The following ACLY variants were observed in gnomAD, a reference collection of about 807,000 sequenced individuals.
ACLY encodes the protein ATP-citrate synthase.
In ACLY, 41 loss-of-function variants were observed where a neutral mutation model predicts 133.0. That is an observed-to-expected ratio of 0.31 (90% CI 0.24 to 0.40). The LOEUF (loss-of-function observed/expected upper bound fraction) is 0.40. ACLY is among the 10% of genes least tolerant of loss of function. The pLI, the probability that ACLY is intolerant of heterozygous loss-of-function variation, is 1.00. For missense variants in ACLY, 1,046 were observed against 1,453.8 expected (o/e 0.72, Z 4.56); for synonymous variants, 495 against 549.3 (o/e 0.90, Z 1.38).
At position 41,930,396 on chromosome 17, in the gene ACLY, C is replaced by A. The variant is rs200743874; in HGVS notation, c.-66G>T. 5 of 273,796 alleles carry A rather than the reference C, an allele frequency of 1.8e-5. No individual in the cohort carries two copies. In the East Asian group the frequency reaches 4.5e-4, roughly 25 times the overall value. The allele number at this position is 273,796 out of a possible 1,614,324, so 17.0% of individuals were successfully genotyped here. A position where few individuals can be genotyped will look rare whatever the true frequency, so the allele number is the denominator to read the frequency against. On this transcript the variant is annotated 5_prime_UTR_variant, in exon 1 of 4. Coordinates refer to the ACLY transcript ENST00000592970. ...TCCCTATTCGGAACTTTGCCTCCAACCCTCTTCCTGTTTTCTTGGCTGTCT... is the reference window on the plus strand; with the variant it reads ...TCCCTATTCGGAACTTTGCCTCCAAACCTCTTCCTGTTTTCTTGGCTGTCT...
chr17:41,875,872 G>A (rs1217854917), intron 22 of ACLY, among the ~76,000 whole-genome samples: 24 of 152,082 alleles, frequency 1.6e-4, no homozygotes, highest in African/African-American at 5.8e-4. Context: ...ACCCCGTCTG[G>A]GAAGTGAGGA....
intron 18 of ACLY, among the ~76,000 whole-genome samples, chr17:41,885,895 T>C (rs576586973): frequency 2.0e-5 from 3 of 152,338 alleles, no homozygotes; most frequent in African/African-American, 7.2e-5. Context: ...CAAAGCCCAG[T>C]CGCCCCTCCT....
chr17:41,872,189 T>G lies in ACLY; in HGVS notation c.2643-7A>C. The G allele has an allele frequency of 1.2e-6, 2 of 1,611,638 alleles. No individual in the cohort carries two copies. Among genetic ancestry groups the G allele is most frequent in the Non-Finnish European group, 1.7e-6 (2 of 1,179,352 alleles). ...GCAAGAGTACTTAGGCAACCTGGAGTGGGGGGAACAAAGGCCAGGAGATGG... is the reference window on the plus strand; with the variant it reads ...GCAAGAGTACTTAGGCAACCTGGAGGGGGGGGAACAAAGGCCAGGAGATGG... On this transcript the variant is annotated splice_polypyrimidine_tract_variant and splice_region_variant and intron_variant, in intron 23 of 28. Transcript: ENST00000352035.
Position 41,905,377 on chromosome 17 carries a change from TGAG to T in ACLY, c.1003+142_1003+144del, listed in dbSNP as rs2049682994. 7 of 1,119,636 alleles carry T rather than the reference TGAG, an allele frequency of 6.3e-6. No individual in the cohort carries two copies. In the African/African-American group the frequency reaches 1.1e-4, roughly 17 times the overall value. The allele number at this position is 1,119,636 out of a possible 1,614,324, so 69.4% of individuals were successfully genotyped here. A position where few individuals can be genotyped will look rare whatever the true frequency, so the allele number is the denominator to read the frequency against. ...CTGCCCTCTGTGCAGTCAGAGAAACTGAGAGCCAAAGTTCAATGATTAGCCTCA... is the reference window on the plus strand; with the variant it reads ...CTGCCCTCTGTGCAGTCAGAGAAACTAGCCAAAGTTCAATGATTAGCCTCA... On this transcript the variant is annotated intron_variant, in intron 9 of 28. Transcript: ENST00000352035.
chr17:41,898,562 G>A, intron 12 of ACLY, 69 bp downstream of exon 12: 3 of 1,566,440 alleles, frequency 1.9e-6, no homozygotes, highest in Non-Finnish European at 2.6e-6. Flanking sequence ...AACAGAGGAA[G>A]AAGACTGTAT....
At chr17:41,907,212 G>A (rs1265059547) in intron 7 of ACLY, among the ~76,000 whole-genome samples, 3 of 152,146 alleles carry the variant, frequency 2.0e-5, no homozygotes, top group Admixed American at 2.0e-4. Flanking sequence ...GTGAAGAGTC[G>A]AGGGAGGCTG....
Position 41,873,768 on chromosome 17 carries a change from T to A in ACLY, c.2642+43A>T, listed in dbSNP as rs782702318. 5.3e-6 allele frequency: 8 copies of A among 1,499,498 alleles called. No homozygotes were observed. The African/African-American group carries it at 8.4e-5, about 16-fold the overall frequency. 92.9% of individuals were successfully genotyped at this position (1,499,498 alleles called of 1,614,324 possible). A position where few individuals can be genotyped will look rare whatever the true frequency, so the allele number is the denominator to read the frequency against. On this transcript the variant is annotated intron_variant, in intron 23 of 28. Coordinates refer to ENST00000352035, the MANE Select transcript of ACLY (RefSeq NM_001096.3). The stretch of plus-strand genomic sequence containing the variant: ...CCTTTGTTGGGGGAAAATCATTAAC[T>A]CTGAGCTGCAGGGCCCTGTAATCTT...
chr17:41,926,670 G>T (rs899127160), intron 1 of ACLY, among the ~76,000 whole-genome samples: 4 of 151,572 alleles, frequency 2.6e-5, no homozygotes, highest in African/African-American at 9.7e-5. Flanking sequence ...TGTATTTTTA[G>T]TAGAGACAGG....
Position 41,883,246 on chromosome 17 carries a change from G to C in ACLY, c.2155-14C>G, listed in dbSNP as rs782664431. The C allele has an allele frequency of 1.2e-6, 2 of 1,611,548 alleles. No homozygotes were observed. The highest frequency in any genetic ancestry group is 2.2e-5 in the South Asian group (2 of 91,014). On this transcript the variant is annotated splice_polypyrimidine_tract_variant and intron_variant, in intron 19 of 28. Transcript: ENST00000352035. Reference sequence around the variant, plus strand: ...AGTGCCCCCAATCTGCCAAGGAATGGGGAATGAGAAAAAGCCAAGTTAGTG... The same window carrying C: ...AGTGCCCCCAATCTGCCAAGGAATGCGGAATGAGAAAAAGCCAAGTTAGTG...
chr17:41,895,955 A>G (rs1188743879), intron 14 of ACLY, among the ~76,000 whole-genome samples: 1 of 152,190 alleles, frequency 6.6e-6, no homozygotes, highest in Non-Finnish European at 1.5e-5. Context: ...AGAAGTATCC[A>G]CTGTAAAATG....
chr17:41,889,738 T>G (rs2049156223), intron 16 of ACLY, among the ~76,000 whole-genome samples: 1 of 146,586 alleles, frequency 6.8e-6, no homozygotes. Context: ...CAGGCTGGAG[T>G]ACAATAGCAC....
Position 41,918,916 on chromosome 17 carries a change from G to A in ACLY, c.-60C>T, listed in dbSNP as rs782458772. 21 of 1,289,020 alleles carry A rather than the reference G, an allele frequency of 1.6e-5. No homozygotes were observed. The African/African-American group carries it at 2.4e-4, about 15-fold the overall frequency. The allele number at this position is 1,289,020 out of a possible 1,614,324, so 79.8% of individuals were successfully genotyped here. ...TCCGTGCGCGGCGCTTCTTCCACAG[G>A]CCCGACGAACCCCGCAAAATCCGGA... On this transcript the variant is annotated 5_prime_UTR_variant, in exon 1 of 29. Transcript: ENST00000352035.
chr17:41,892,399 G>A lies in ACLY; in HGVS notation c.1650C>T (p.Ile550=), dbSNP rs149936488. 217 of 1,613,992 alleles carry A rather than the reference G, an allele frequency of 1.3e-4. No homozygotes were observed. In the African/African-American group the frequency reaches 2.8e-3, roughly 21 times the overall value. ...CATCAGCCATGTTCTTGAAGACAGG[G>A]ATCAGGATCTCTTTGTGCCCCCAGT... The part of the protein sequence containing the change: ...KFYWGHKEIL[I]PVFKNMADAM... The change falls in exon 16 of 29, where the codon ATC becomes ATT. Residue 550 remains isoleucine, a synonymous_variant. Coordinates refer to ENST00000352035, the MANE Select transcript of ACLY (RefSeq NM_001096.3).
At chr17:41,930,084 G>A (rs2144473508) in intron 1 of ACLY, among the ~76,000 whole-genome samples, 1 of 152,306 alleles carries the variant, frequency 6.6e-6, no homozygotes, top group Non-Finnish European at 1.5e-5. Flanking sequence ...CTTGGTCAAG[G>A]CCCGCTACTA....
rs1341942681 is a variant in ACLY, at chr17:41,869,035, A to G, written c.3134+8T>C. Reference sequence around the variant, plus strand: ...CGTAATGAAGAAGAAAACAGCTACAATGCTCACCGAGTAAAGGACCCACAG... The same window carrying G: ...CGTAATGAAGAAGAAAACAGCTACAGTGCTCACCGAGTAAAGGACCCACAG... On this transcript the variant is annotated splice_region_variant and intron_variant, in intron 27 of 28. Transcript: ENST00000352035. 2 of 1,607,516 alleles carry G rather than the reference A, an allele frequency of 1.2e-6. No homozygotes were observed. Among genetic ancestry groups the G allele is most frequent in the Non-Finnish European group, 1.7e-6 (2 of 1,175,828 alleles).
At chr17:41,902,733 A>G (rs2144361273) in intron 10 of ACLY, among the ~76,000 whole-genome samples, 1 of 152,364 alleles carries the variant, frequency 6.6e-6, no homozygotes, top group African/African-American at 2.4e-5. Flanking sequence ...GAAGTTAAAT[A>G]AAAGCTGCTG....
chr17:41,875,698 C>T (rs1278181728), intron 22 of ACLY, among the ~76,000 whole-genome samples: 4 of 152,242 alleles, frequency 2.6e-5, no homozygotes, highest in African/African-American at 7.2e-5. Flanking sequence ...CCAGCCTCGG[C>T]CTCCTGAGGT....
upstream of ACLY, among the ~76,000 whole-genome samples, chr17:41,919,220 G>C (rs913562043): frequency 6.6e-6 from 1 of 152,118 alleles, no homozygotes; most frequent in Non-Finnish European, 1.5e-5. Context: ...GAGATGGGCC[G>C]GGCTAGGCTG....
Position 41,886,146 on chromosome 17 carries a change from C to T in ACLY, c.2038G>A (p.Gly680Ser). ...LNNIISRTTD[G>S]VYEGVAIGGD... ...CCAATGGCCACGCCCTCATAGACGC[C>T]ATCCGTGGTCCGAGAGATGATATTG... The change falls in exon 18 of 29, where the codon GGC (glycine) becomes AGC (serine). Residue 680 changes from glycine to serine, a missense_variant. Coordinates refer to ENST00000352035, the MANE Select transcript of ACLY (RefSeq NM_001096.3). 1.2e-6 allele frequency: 2 copies of T among 1,614,114 alleles called. No homozygotes were observed. Among genetic ancestry groups the T allele is most frequent in the Non-Finnish European group, 1.7e-6 (2 of 1,179,988 alleles).
Sources: gnomAD v4.1 joint callset for allele counts (sites outside exome capture counted in the v4.1 genomes callset) on GRCh38, gnomAD v4.1.1 for gene constraint, MANE v1.5 for transcripts, NCBI Gene and HGNC (gene_info 2026-07-23, HGNC 2026-07-21) for gene names.